Variants in PSMD1 observed in about 807,000 individuals in gnomAD.
PSMD1 encodes 26S proteasome non-ATPase regulatory subunit 1.
Under a neutral mutation model 119.0 loss-of-function variants are expected in PSMD1, and 18 were observed. The ratio of observed to expected loss-of-function variants is 0.15; its 90% CI spans 0.10 to 0.22. PSMD1 has a LOEUF of 0.22. PSMD1 is among the 10% of genes least tolerant of loss of function. PSMD1 has a pLI of 1.00. For synonymous variants in PSMD1, 374 were observed against 396.6 expected (o/e 0.94, Z 0.68); for missense variants, 702 against 1,158.5 (o/e 0.61, Z 5.72).
chr2:231,161,437 G>T lies in PSMD1; in HGVS notation c.2316G>T (p.Trp772Cys). ...GVLVFTQFWF[W>C]FPLSHFLSLA... The stretch of plus-strand genomic sequence containing the variant: ...TTGTATTTACCCAGTTTTGGTTCTG[G>T]TTTCCTCTTTCACACTTCCTGTCAT... Residue 772 changes from tryptophan to cysteine, a missense_variant, in exon 20 of 25, where the codon TGG becomes TGT. Physicochemically the swap from Trp to Cys is radical, Grantham distance 215 (BLOSUM62 -2). Coordinates refer to ENST00000308696, the MANE Select transcript of PSMD1 (RefSeq NM_002807.4). 6.2e-7 allele frequency: 1 copy of T among 1,613,932 alleles called. No homozygotes were observed. Among genetic ancestry groups the T allele is most frequent in the South Asian group, 1.1e-5 (1 of 91,058 alleles).
At chr2:231,116,595 G>A (rs1445160175) in intron 16 of PSMD1, among the ~76,000 whole-genome samples, 2 of 151,930 alleles carry the variant, frequency 1.3e-5, no homozygotes, top group Non-Finnish European at 2.9e-5. Context: ...CGTGTCTTTG[G>A]AATTTGACCA....
intron 16 of PSMD1, among the ~76,000 whole-genome samples, chr2:231,094,728 T>A (rs1163722670): frequency 1.3e-5 from 2 of 152,176 alleles, no homozygotes; most frequent in Non-Finnish European, 2.9e-5. Context: ...TGAACTACTT[T>A]TATAGGCACA....
Position 231,071,166 on chromosome 2 carries a change from T to A in PSMD1, c.654+998T>A, listed in dbSNP as rs185932120. Among the ~76,000 whole-genome samples, 72 of 152,182 alleles carry A rather than the reference T, an allele frequency of 4.7e-4. 1 individual carries two copies. Among genetic ancestry groups the A allele is most frequent in the African/African-American group, 1.2e-3 (48 of 41,562 alleles). On this transcript the variant is annotated intron_variant, in intron 6 of 24. Coordinates refer to ENST00000308696, the MANE Select transcript of PSMD1 (RefSeq NM_002807.4). ...TGTAAATATTTTTCATAGTTTTTTTTAAAACTGACATGAAAAATAGTAGTT... is the reference window on the plus strand; with the variant it reads ...TGTAAATATTTTTCATAGTTTTTTTAAAAACTGACATGAAAAATAGTAGTT...
At chr2:231,131,789 A>G (rs961499136) in intron 16 of PSMD1, among the ~76,000 whole-genome samples, 2 of 149,626 alleles carry the variant, frequency 1.3e-5, no homozygotes, top group Admixed American at 6.7e-5. Flanking sequence ...AAAAAAAAAG[A>G]AAGTTTTTTT....
At chr2:231,074,122 G>A (rs1004694055) in intron 7 of PSMD1, among the ~76,000 whole-genome samples, 5 of 151,440 alleles carry the variant, frequency 3.3e-5, no homozygotes, top group South Asian at 4.2e-4. Flanking sequence ...ATTTATTTTC[G>A]AGACAGAGTC....
intron 16 of PSMD1, among the ~76,000 whole-genome samples, chr2:231,138,453 T>C (rs1197425557): frequency 6.6e-6 from 1 of 152,154 alleles, no homozygotes; most frequent in Non-Finnish European, 1.5e-5. Flanking sequence ...GTTCCTGCCA[T>C]GGAGGAGGTA....
chr2:231,132,440 A>G (rs991009036), intron 16 of PSMD1, among the ~76,000 whole-genome samples: 6 of 152,180 alleles, frequency 3.9e-5, no homozygotes, highest in Non-Finnish European at 7.3e-5. Flanking sequence ...TGAACCCTAA[A>G]TATAACCAGC....
chr2:231,148,376 C>T (rs1430171423), intron 18 of PSMD1, among the ~76,000 whole-genome samples: 1 of 152,182 alleles, frequency 6.6e-6, no homozygotes, highest in Non-Finnish European at 1.5e-5. Flanking sequence ...TCTTCCCATC[C>T]TCTGCTGTAG....
chr2:231,098,025 C>G (rs140740236), intron 16 of PSMD1, among the ~76,000 whole-genome samples: 2,536 of 152,318 alleles, frequency 0.017, 38 homozygotes, highest in Non-Finnish European at 0.024. Context: ...TCCTCCCTGT[C>G]GTGAGAGACA....
intron 16 of PSMD1, chr2:231,113,850 C>T: frequency 6.2e-7 from 1 of 1,614,100 alleles, no homozygotes; most frequent in Non-Finnish European, 8.5e-7. Flanking sequence ...CACAGAGATG[C>T]ATGATGGATG....
intron 17 of PSMD1, among the ~76,000 whole-genome samples, chr2:231,144,533 C>T (rs1280494065): frequency 1.3e-5 from 2 of 150,142 alleles, no homozygotes; most frequent in African/African-American, 4.9e-5. Flanking sequence ...CCCTCCTTGG[C>T]CTCCCAAAGT....
chr2:231,065,442 G>A (rs1228969182), intron 4 of PSMD1, among the ~76,000 whole-genome samples: 11 of 147,888 alleles, frequency 7.4e-5, no homozygotes, highest in Admixed American at 7.3e-4. Flanking sequence ...ACAGGCGCCC[G>A]CCACCACACC....
chr2:231,110,399 T>C (rs1369495568), intron 16 of PSMD1, among the ~76,000 whole-genome samples: 4 of 152,362 alleles, frequency 2.6e-5, no homozygotes, highest in Middle Eastern at 3.4e-3. Flanking sequence ...ATGAAGTATT[T>C]AAATATGATG....
At chr2:231,164,922 A>ATATT (rs1175538340) in intron 21 of PSMD1, 1 of 164,618 alleles carries the variant, frequency 6.1e-6, no homozygotes, top group Admixed American at 6.5e-5. Context: ...GGGAAGAGTT[A>ATATT]TATTGGACAC....
chr2:231,167,941 G>A (rs1696826236), intron 23 of PSMD1, among the ~76,000 whole-genome samples: 1 of 152,176 alleles, frequency 6.6e-6, no homozygotes, highest in African/African-American at 2.4e-5. Flanking sequence ...CATAACAGGT[G>A]CAGTGGTTCC....
At chr2:231,089,398 G>C (rs1350248746) in intron 16 of PSMD1, among the ~76,000 whole-genome samples, 1 of 152,180 alleles carries the variant, frequency 6.6e-6, no homozygotes, top group Admixed American at 6.5e-5. Flanking sequence ...CACAGCTTCA[G>C]AGGACAGGCT....
At chr2:231,069,188 TAA>T (rs547758033) in intron 5 of PSMD1, among the ~76,000 whole-genome samples, 8 of 144,160 alleles carry the variant, frequency 5.5e-5, no homozygotes, top group African/African-American at 1.8e-4. Context: ...AAAAATGTTT[TAA>T]AAAAAAAAAA....
intron 8 of PSMD1, among the ~76,000 whole-genome samples, chr2:231,075,940 A>G (rs1374470413): frequency 6.6e-6 from 1 of 152,168 alleles, no homozygotes; most frequent in East Asian, 1.9e-4. Flanking sequence ...AAATATTTCC[A>G]CAGGATATTG....
chr2:231,080,630 A>G (rs1280406904), intron 12 of PSMD1, among the ~76,000 whole-genome samples: 5 of 152,246 alleles, frequency 3.3e-5, no homozygotes, highest in Non-Finnish European at 5.9e-5. Flanking sequence ...ATTAAGGCCT[A>G]AAGAAGTTGC....
Sources: gnomAD v4.1 joint callset for allele counts (sites outside exome capture counted in the v4.1 genomes callset) on GRCh38, gnomAD v4.1.1 for gene constraint, MANE v1.5 for transcripts, NCBI Gene and HGNC (gene_info 2026-07-23, HGNC 2026-07-21) for gene names.